The following PLXNA2 variants were observed in gnomAD, a reference collection of about 807,000 sequenced individuals.
PLXNA2 encodes plexin-A2.
A neutral mutation model predicts 193.5 loss-of-function variants in PLXNA2; 91 were observed. The observed-to-expected ratio is 0.47, with a 90% CI of 0.40 to 0.56. The LOEUF is 0.56. PLXNA2 is among the 20% of genes least tolerant of loss of function. The pLI is 0.00. For synonymous variants in PLXNA2, 997 were observed against 1,027.3 expected (o/e 0.97, Z 0.56); for missense variants, 1,995 against 2,503.2 (o/e 0.80, Z 4.33).
intron 3 of PLXNA2, among the ~76,000 whole-genome samples, chr1:208,151,654 G>GTCAA (rs1668766896): frequency 1.3e-5 from 2 of 152,136 alleles, no homozygotes; most frequent in African/African-American, 2.4e-5. Flanking sequence ...TCTATTCTAT[G>GTCAA]TCAACCCGTG....
intron 29 of PLXNA2, chr1:208,031,278 C>T (rs1664493954): frequency 1.7e-6 from 2 of 1,203,576 alleles, no homozygotes; most frequent in African/African-American, 1.6e-5. Context: ...GCTCCCTTCT[C>T]CTGAGAACCA....
At chr1:208,222,014 T>C (rs1671353102) in intron 1 of PLXNA2, among the ~76,000 whole-genome samples, 1 of 152,246 alleles carries the variant, frequency 6.6e-6, no homozygotes, top group Admixed American at 6.5e-5. Context: ...TTAGAACAGT[T>C]CATGGCCATC....
At chr1:208,115,941 C>T (rs538871603) in intron 4 of PLXNA2, among the ~76,000 whole-genome samples, 8 of 152,214 alleles carry the variant, frequency 5.3e-5, no homozygotes, top group Non-Finnish European at 1.2e-4. Context: ...CTGCCTATCT[C>T]AGGAAGTTTA....
intron 4 of PLXNA2, among the ~76,000 whole-genome samples, chr1:208,106,726 C>T (rs1478577873): frequency 1.3e-5 from 2 of 152,222 alleles, no homozygotes; most frequent in African/African-American, 2.4e-5. Context: ...ATTAATTTCA[C>T]CTGTTCTTCT....
Position 208,217,395 on chromosome 1 carries a change from C to G in PLXNA2, c.528G>C (p.Glu176Asp), listed in dbSNP as rs1469503072. 1 of 1,614,084 alleles carries G rather than the reference C, an allele frequency of 6.2e-7. No homozygotes were observed. Among genetic ancestry groups the G allele is most frequent in the Non-Finnish European group, 8.5e-7 (1 of 1,180,050 alleles). ...GTMYGVIVRS[E>D]GEDGKLFIGT... is the part of the protein sequence containing the mutation. ...CGATGAAGAGCTTGCCATCCTCACC[C>G]TCAGAGCGCACAATCACCCCGTACA... is the stretch of plus-strand genomic sequence containing the variant. The change falls in exon 2 of 32, where the codon GAG (glutamate) becomes GAC (aspartate). Residue 176 changes from glutamate (E) to aspartate (D), a missense_variant. Physicochemically the swap from Glu to Asp is conservative, Grantham distance 45. Transcript: ENST00000367033. The surrounding 1 kb of genome is among the most constrained non-coding windows in gnomAD (Gnocchi z 4.7).
intron 4 of PLXNA2, among the ~76,000 whole-genome samples, chr1:208,141,889 G>C (rs2102483338): frequency 1.3e-5 from 2 of 152,354 alleles, no homozygotes; most frequent in Middle Eastern, 6.8e-3. Context: ...ACCAGTCTAA[G>C]ACTCACGCCA....
At chr1:208,084,646 G>A (rs1666452807) in intron 9 of PLXNA2, 66 bp from the exon 10 acceptor site, 4 of 1,483,250 alleles carry the variant, frequency 2.7e-6, no homozygotes, top group Non-Finnish European at 3.7e-6. Context: ...CCTGGGACAG[G>A]CAGGCCCCTC....
rs113866913 is a variant in PLXNA2, at chr1:208,032,056, C to T, written c.5056-297G>A. 894 of 985,286 alleles carry T rather than the reference C, an allele frequency of 9.1e-4. 7 individuals carry two copies. In the African/African-American group the frequency reaches 9.7e-3, roughly 11 times the overall value. 61.0% of individuals were successfully genotyped at this position (985,286 alleles called of 1,614,324 possible). A position where few individuals can be genotyped will look rare whatever the true frequency, so the allele number is the denominator to read the frequency against. ...AGGAAGACAGGAAGTGCCCCGGGTCCGGGCTTCCCATGGGTGAATGAGGGG... is the reference window on the plus strand; with the variant it reads ...AGGAAGACAGGAAGTGCCCCGGGTCTGGGCTTCCCATGGGTGAATGAGGGG... On this transcript the variant is annotated intron_variant, in intron 28 of 31. Coordinates refer to ENST00000367033, the MANE Select transcript of PLXNA2 (RefSeq NM_025179.4).
chr1:208,210,518 CTA>C (rs1257041072), intron 2 of PLXNA2, 56 bp from the exon 3 acceptor site: 6 of 1,468,958 alleles, frequency 4.1e-6, no homozygotes, highest in Non-Finnish European at 5.6e-6. Flanking sequence ...GGTGAAGTCT[CTA>C]CACGACCCAT....
At chr1:208,155,366 G>A (rs1221279701) in intron 3 of PLXNA2, among the ~76,000 whole-genome samples, 1 of 152,096 alleles carries the variant, frequency 6.6e-6, no homozygotes, top group African/African-American at 2.4e-5. Flanking sequence ...AGGCAGCTCG[G>A]GGCAAACCTA....
At chr1:208,225,190 G>A (rs76660789) in intron 1 of PLXNA2, among the ~76,000 whole-genome samples, 45 of 152,322 alleles carry the variant, frequency 3.0e-4, no homozygotes, top group African/African-American at 1.0e-3. Context: ...GCAAGAAAGC[G>A]AGGGATTGAG....
rs183864478 is a variant in PLXNA2 at position 208,174,472 on chromosome 1, G to T, written c.1372-32009C>A. 5.2e-3 allele frequency among the ~76,000 whole-genome samples: 799 copies of T among 152,196 alleles called. 9 individuals are homozygous for T. Among genetic ancestry groups the T allele is most frequent in the African/African-American group, 0.018 (745 of 41,518 alleles). ...GAAGAAGGCATTGTCAAACTCTCTG[G>T]ATGGTCATCAGCCAGATGTGGAGAC... On this transcript the variant is annotated intron_variant, in intron 3 of 31. Coordinates refer to ENST00000367033, the MANE Select transcript of PLXNA2 (RefSeq NM_025179.4).
At chr1:208,048,605 T>C (rs764959443) in intron 17 of PLXNA2, among the ~76,000 whole-genome samples, 1 of 152,142 alleles carries the variant, frequency 6.6e-6, no homozygotes, top group Non-Finnish European at 1.5e-5. Context: ...TCCTGCCCAG[T>C]ACTGTAAATG....
At chr1:208,139,755 T>C (rs954671436) in intron 4 of PLXNA2, among the ~76,000 whole-genome samples, 1 of 152,230 alleles carries the variant, frequency 6.6e-6, no homozygotes, top group African/African-American at 2.4e-5. Flanking sequence ...CTGCCACACA[T>C]TCAACTGCTT....
intron 12 of PLXNA2, among the ~76,000 whole-genome samples, chr1:208,063,521 T>C (rs918579342): frequency 6.6e-6 from 1 of 152,222 alleles, no homozygotes; most frequent in Non-Finnish European, 1.5e-5. Context: ...GATGGGTAGT[T>C]CCAGCTAGCA....
intron 3 of PLXNA2, among the ~76,000 whole-genome samples, chr1:208,162,057 C>T (rs910360269): frequency 6.6e-6 from 1 of 152,154 alleles, no homozygotes; most frequent in Non-Finnish European, 1.5e-5. Flanking sequence ...TCCATTGAGG[C>T]CAAGCGTAAA....
chr1:208,137,166 AC>A (rs2102476097), intron 4 of PLXNA2, among the ~76,000 whole-genome samples: 1 of 152,018 alleles, frequency 6.6e-6, no homozygotes, highest in African/African-American at 2.4e-5. Context: ...AAACACACAC[AC>A]CCATCACCAT....
intron 12 of PLXNA2, among the ~76,000 whole-genome samples, chr1:208,071,526 CTGTG>C (rs1048170024): frequency 6.6e-5 from 10 of 152,064 alleles, no homozygotes; most frequent in African/African-American, 2.4e-4. Context: ...GTGTGTGTGT[CTGTG>C]TGTGTGTGCC....
At chr1:208,061,212 G>C (rs1305436317) in intron 12 of PLXNA2, among the ~76,000 whole-genome samples, 1 of 152,142 alleles carries the variant, frequency 6.6e-6, no homozygotes, top group East Asian at 1.9e-4. Context: ...TTGTGAAGGG[G>C]GTATAATCAT....
Sources: gnomAD v4.1 joint callset for allele counts (sites outside exome capture counted in the v4.1 genomes callset) on GRCh38, gnomAD v4.1.1 for gene constraint, Gnocchi (gnomAD v3.1) non-coding constraint, MANE v1.5 for transcripts, NCBI Gene and HGNC (gene_info 2026-07-23, HGNC 2026-07-21) for gene names.